Variants in HS6ST3 observed in about 807,000 individuals in gnomAD.
The protein encoded by HS6ST3 is heparan sulfate 6-O-sulfotransferase 3, also known as heparan-sulfate 6-O-sulfotransferase 3.
In HS6ST3, 12 loss-of-function variants were observed where a neutral mutation model predicts 36.7. The observed-to-expected ratio is 0.33, with a 90% CI of 0.21 to 0.53. HS6ST3 has a LOEUF of 0.53. Ranked by LOEUF, HS6ST3 falls within the 20% of genes least tolerant of loss-of-function variation. HS6ST3 has a pLI of 0.95. For synonymous variants in HS6ST3, 240 were observed against 257.5 expected (o/e 0.93, Z 0.65); for missense variants, 584 against 640.9 (o/e 0.91, Z 0.96).
At position 96,666,310 on chromosome 13, in the gene HS6ST3, G is replaced by A. The variant is rs998393316; in HGVS notation, c.708-166180G>A. ...TCTGATGACATGGGGGGATTATAGGGACTACAATTCAAGGCGAGATTTGGG... is the reference window on the plus strand; with the variant it reads ...TCTGATGACATGGGGGGATTATAGGAACTACAATTCAAGGCGAGATTTGGG... On this transcript the variant is annotated intron_variant, in intron 1 of 1. Coordinates refer to ENST00000376705, the MANE Select transcript of HS6ST3 (RefSeq NM_153456.4). Among the ~76,000 whole-genome samples the A allele has an allele frequency of 2.6e-5, 4 of 152,084 alleles. No homozygotes were observed. In the East Asian group the frequency reaches 5.8e-4, roughly 22 times the overall value.
chr13:96,362,554 A>G (rs556013831), intron 1 of HS6ST3, among the ~76,000 whole-genome samples: 48 of 152,270 alleles, frequency 3.2e-4, no homozygotes, highest in African/African-American at 1.1e-3. Context: ...TTATGTCTCT[A>G]TCATCCCTCG....
intron 1 of HS6ST3, among the ~76,000 whole-genome samples, chr13:96,166,386 C>T (rs1479613244): frequency 6.6e-6 from 1 of 152,144 alleles, no homozygotes; most frequent in African/African-American, 2.4e-5. Flanking sequence ...GAGTGTTCAG[C>T]TACCAAAACC....
chr13:96,590,539 G>T (rs950474699), intron 1 of HS6ST3, among the ~76,000 whole-genome samples: 1 of 151,756 alleles, frequency 6.6e-6, no homozygotes, highest in Non-Finnish European at 1.5e-5. Flanking sequence ...TGGATTATTA[G>T]ATTTTTTTTC....
intron 1 of HS6ST3, among the ~76,000 whole-genome samples, chr13:96,701,193 T>C (rs1875276202): frequency 6.6e-6 from 1 of 152,234 alleles, no homozygotes; most frequent in African/African-American, 2.4e-5. Flanking sequence ...CTTACCAAAG[T>C]CACAACATTT....
chr13:96,533,225 G>T (rs1031942413), intron 1 of HS6ST3, among the ~76,000 whole-genome samples: 6 of 152,122 alleles, frequency 3.9e-5, no homozygotes, highest in Non-Finnish European at 7.4e-5. Flanking sequence ...GATTCTTCAG[G>T]GGGGTAGAGA....
intron 1 of HS6ST3, among the ~76,000 whole-genome samples, chr13:96,799,785 A>C (rs997170641): frequency 3.8e-5 from 4 of 104,362 alleles, no homozygotes; most frequent in African/African-American, 2.4e-4. Context: ...GTATAATAAT[A>C]AAAAAAAAAA....
chr13:96,674,184 T>C (rs943957466), intron 1 of HS6ST3, among the ~76,000 whole-genome samples: 2 of 152,016 alleles, frequency 1.3e-5, no homozygotes, highest in Non-Finnish European at 2.9e-5. Context: ...GATCTGGTTG[T>C]TTGTGGAAAC....
intron 1 of HS6ST3, among the ~76,000 whole-genome samples, chr13:96,496,932 A>G (rs889894958): frequency 2.6e-5 from 4 of 152,090 alleles, no homozygotes; most frequent in Non-Finnish European, 5.9e-5. Context: ...ATATAGGGAT[A>G]CCTCATGGGG....
At chr13:96,343,058 G>C (rs1041147111) in intron 1 of HS6ST3, among the ~76,000 whole-genome samples, 2 of 152,164 alleles carry the variant, frequency 1.3e-5, no homozygotes, top group African/African-American at 4.8e-5. Context: ...CCTTTCATCG[G>C]AAGGGAATTG....
chr13:96,670,478 C>A (rs2056679317), intron 1 of HS6ST3, among the ~76,000 whole-genome samples: 1 of 151,800 alleles, frequency 6.6e-6, no homozygotes. Context: ...GATCTTATAG[C>A]AAGAATGTAT....
At chr13:96,672,274 A>G (rs1594832710) in intron 1 of HS6ST3, among the ~76,000 whole-genome samples, 1 of 152,306 alleles carries the variant, frequency 6.6e-6, no homozygotes, top group South Asian at 2.1e-4. Flanking sequence ...CTGATCCACA[A>G]GGACATCATA....
intron 1 of HS6ST3, among the ~76,000 whole-genome samples, chr13:96,314,337 AG>A (rs1344035298): frequency 6.6e-6 from 1 of 152,232 alleles, no homozygotes; most frequent in Non-Finnish European, 1.5e-5. Context: ...CACACACATA[AG>A]GCAGTTATCT....
intron 1 of HS6ST3, among the ~76,000 whole-genome samples, chr13:96,622,617 A>ATTAT (rs2056499038): frequency 2.6e-3 from 5 of 1,902 alleles, no homozygotes; most frequent in Non-Finnish European, 6.1e-3. Flanking sequence ...CAATTACTAT[A>ATTAT]AAATATCTTA....
intron 1 of HS6ST3, among the ~76,000 whole-genome samples, chr13:96,466,139 G>A (rs1387862482): frequency 6.6e-6 from 1 of 152,060 alleles, no homozygotes; most frequent in Non-Finnish European, 1.5e-5. Flanking sequence ...AAATGAGCTA[G>A]GCGTGGTGGT....
chr13:96,666,767 A>T (rs545605839), intron 1 of HS6ST3, among the ~76,000 whole-genome samples: 30 of 152,270 alleles, frequency 2.0e-4, no homozygotes, highest in African/African-American at 7.0e-4. Context: ...TAAAATAGTT[A>T]TATTTTATGC....
intron 1 of HS6ST3, among the ~76,000 whole-genome samples, chr13:96,281,079 T>C (rs1175653962): frequency 6.6e-6 from 1 of 152,146 alleles, no homozygotes; most frequent in Non-Finnish European, 1.5e-5. Context: ...CAATCTCGGC[T>C]CACTGCAACC....
At chr13:96,712,516 A>C (rs1489107922) in intron 1 of HS6ST3, among the ~76,000 whole-genome samples, 1 of 152,154 alleles carries the variant, frequency 6.6e-6, no homozygotes, top group Non-Finnish European at 1.5e-5. Context: ...GTGGGGGTTC[A>C]AAGGTATTGT....
Position 96,575,109 on chromosome 13 carries a change from T to G in HS6ST3, c.708-257381T>G, listed in dbSNP as rs557527142. Among the ~76,000 whole-genome samples, 9 of 152,264 alleles carry G rather than the reference T, an allele frequency of 5.9e-5. No homozygotes were observed. The South Asian group carries it at 1.7e-3, about 28-fold the overall frequency. On this transcript the variant is annotated intron_variant, in intron 1 of 1. Coordinates refer to ENST00000376705, the MANE Select transcript of HS6ST3 (RefSeq NM_153456.4). ...GACCCCCATCAAGATCAGAAGCCTTTTGGATGGAGTTGCAGATCTCATTGC... is the reference window on the plus strand; with the variant it reads ...GACCCCCATCAAGATCAGAAGCCTTGTGGATGGAGTTGCAGATCTCATTGC...
At chr13:96,716,138 C>T (rs547046785) in intron 1 of HS6ST3, among the ~76,000 whole-genome samples, 2 of 151,892 alleles carry the variant, frequency 1.3e-5, no homozygotes, top group Non-Finnish European at 2.9e-5. Flanking sequence ...TTTTATGATT[C>T]CTGGAAATTT....
Sources: gnomAD v4.1 joint callset for allele counts (sites outside exome capture counted in the v4.1 genomes callset) on GRCh38, gnomAD v4.1.1 for gene constraint, MANE v1.5 for transcripts, NCBI Gene and HGNC (gene_info 2026-07-23, HGNC 2026-07-21) for gene names.